The following PLEKHA8 variants were observed in gnomAD, a reference collection of about 807,000 sequenced individuals.
The protein encoded by PLEKHA8 is pleckstrin homology domain-containing family A member 8.
PLEKHA8 carries 36 observed loss-of-function variants against 68.2 expected under a neutral mutation model. That is an observed-to-expected ratio of 0.53 (90% CI 0.40 to 0.70). The LOEUF (loss-of-function observed/expected upper bound fraction) is 0.70. Ranked by LOEUF, PLEKHA8 falls within the 30% of genes least tolerant of loss-of-function variation. PLEKHA8 has a pLI of 0.00. For missense variants in PLEKHA8, 505 were observed against 615.4 expected, an observed-to-expected ratio of 0.82 and a Z score of 1.90; for synonymous variants, 211 against 216.1, an observed-to-expected ratio of 0.98 and a Z score of 0.20.
chr7:30,061,595 T>C (rs1285815268), intron 10 of PLEKHA8, among the ~76,000 whole-genome samples: 1 of 152,182 alleles, frequency 6.6e-6, no homozygotes, highest in Non-Finnish European at 1.5e-5. Flanking sequence ...GAACAAATGA[T>C]TGTTGAGTTT....
rs1410238850 is a variant in PLEKHA8, at chr7:30,084,513, T to G, written c.*5726T>G. 1 of 985,302 alleles carries G rather than the reference T, an allele frequency of 1.0e-6. No individual in the cohort carries two copies. The highest frequency in any genetic ancestry group is 1.2e-6 in the Non-Finnish European group (1 of 829,916). 61.0% of individuals were successfully genotyped at this position (985,302 alleles called of 1,614,324 possible). ...GACAGTTTCATGTTTAGATTTGTAT[T>G]GTTTCTCTGTCCAAGTCCTTATTCT... On this transcript the variant is annotated 3_prime_UTR_variant, in exon 14 of 14. Transcript: ENST00000449726.
At chr7:30,056,592 G>A (rs1792952596) in intron 9 of PLEKHA8, among the ~76,000 whole-genome samples, 1 of 147,580 alleles carries the variant, frequency 6.8e-6, no homozygotes, top group African/African-American at 2.5e-5. Flanking sequence ...AGCTGAGTGT[G>A]GTGGCGCGCA....
At chr7:30,040,473 C>A (rs1417291580) in intron 1 of PLEKHA8, among the ~76,000 whole-genome samples, 15 of 152,182 alleles carry the variant, frequency 9.9e-5, no homozygotes, top group Non-Finnish European at 1.9e-4. Context: ...CAGCAAAAGT[C>A]CCAGAATTGT....
chr7:30,116,264 A>G (rs532298303), intron 13 of PLEKHA8, among the ~76,000 whole-genome samples: 1 of 151,546 alleles, frequency 6.6e-6, no homozygotes, highest in Non-Finnish European at 1.5e-5. Flanking sequence ...GTATACATGC[A>G]TACATGTATG....
intron 13 of PLEKHA8, chr7:30,129,215 A>G (rs2128026902): frequency 6.2e-7 from 1 of 1,612,630 alleles, no homozygotes; most frequent in Middle Eastern, 1.7e-4. Context: ...TAAAAGAGTA[A>G]TGACAGTTGG....
chr7:30,055,802 C>T (rs1381988135), intron 9 of PLEKHA8, among the ~76,000 whole-genome samples: 2 of 151,960 alleles, frequency 1.3e-5, no homozygotes, highest in East Asian at 1.9e-4. Flanking sequence ...GGTAGCTGGA[C>T]TATATGCGCA....
chr7:30,126,183 G>T (rs1467847499), intron 13 of PLEKHA8, among the ~76,000 whole-genome samples: 6 of 152,148 alleles, frequency 3.9e-5, no homozygotes, highest in Non-Finnish European at 8.8e-5. Flanking sequence ...TTGTGTGAAG[G>T]CCCTGCTATA....
At chr7:30,035,574 A>G (rs1340736813) in intron 1 of PLEKHA8, among the ~76,000 whole-genome samples, 1 of 152,002 alleles carries the variant, frequency 6.6e-6, no homozygotes, top group Non-Finnish European at 1.5e-5. Context: ...TCTTTAACCT[A>G]TTTTTAAAAG....
At chr7:30,050,404 T>C in intron 5 of PLEKHA8, 30 bp from the exon 6 acceptor site, 2 of 1,557,120 alleles carry the variant, frequency 1.3e-6, no homozygotes, top group Non-Finnish European at 1.7e-6. Flanking sequence ...GTTTAACATG[T>C]GAACTTTCCT....
intron 1 of PLEKHA8, among the ~76,000 whole-genome samples, chr7:30,033,277 C>G (rs1790800185): frequency 6.6e-6 from 1 of 152,058 alleles, no homozygotes; most frequent in Non-Finnish European, 1.5e-5. Context: ...AGAAAGAAAC[C>G]CAGTACCCAT....
chr7:30,048,279 G>A (rs1446283670), intron 4 of PLEKHA8, among the ~76,000 whole-genome samples: 1 of 152,056 alleles, frequency 6.6e-6, no homozygotes, highest in Non-Finnish European at 1.5e-5. Context: ...TTTAACTTTA[G>A]TACTGTCATA....
At position 30,084,377 on chromosome 7, in the gene PLEKHA8, T is replaced by G; in HGVS notation, c.*5590T>G. ...TTTTGAATGAGCATCATAATCAGAG[T>G]AGAAGGCAAGTTAAACTATAAAAGT... On this transcript the variant is annotated 3_prime_UTR_variant, in exon 14 of 14. Transcript: ENST00000449726. The G allele has an allele frequency of 1.0e-6, 1 of 985,378 alleles. No homozygotes were observed. The highest frequency in any genetic ancestry group is 1.7e-5 in the African/African-American group (1 of 57,356). The allele number at this position is 985,378 out of a possible 1,614,324, so 61.0% of individuals were successfully genotyped here. A position where few individuals can be genotyped will look rare whatever the true frequency, so the allele number is the denominator to read the frequency against.
chr7:30,048,627 G>T (rs1792154198), intron 4 of PLEKHA8, among the ~76,000 whole-genome samples: 1 of 152,222 alleles, frequency 6.6e-6, no homozygotes, highest in Non-Finnish European at 1.5e-5. Context: ...CAGAGTCTCT[G>T]CTCTGCTTTC....
At chr7:30,085,655 A>G (rs1424928918), downstream of PLEKHA8, among the ~76,000 whole-genome samples, 1 of 152,144 alleles carries the variant, frequency 6.6e-6, no homozygotes. Context: ...TCTTCCCACT[A>G]TTGCCCACTT....
intron 13 of PLEKHA8, among the ~76,000 whole-genome samples, chr7:30,107,740 G>A (rs973034243): frequency 5.3e-5 from 8 of 152,054 alleles, no homozygotes; most frequent in Non-Finnish European, 7.4e-5. Context: ...TAGTTTACTA[G>A]TGATATTAAT....
At position 30,083,205 on chromosome 7, in the gene PLEKHA8, G is replaced by C. The variant is rs538647229; in HGVS notation, c.*4418G>C. 1.8e-4 allele frequency: 181 copies of C among 983,690 alleles called. 1 individual carries two copies. In the South Asian group the frequency reaches 7.3e-3, roughly 40 times the overall value. 60.9% of individuals were successfully genotyped at this position (983,690 alleles called of 1,614,324 possible). On this transcript the variant is annotated 3_prime_UTR_variant, in exon 14 of 14. Transcript: ENST00000449726. ...AAGGGCTCTACACAAACTTCATTAT[G>C]TATGGTAAATTTGTATTCTTATGGA...
intron 13 of PLEKHA8, 48 bp from the exon 14 acceptor site, chr7:30,078,540 AGT>A (rs775139097): frequency 5.7e-6 from 9 of 1,585,876 alleles, no homozygotes; most frequent in Non-Finnish European, 7.8e-6. Context: ...TAAAAATAAG[AGT>A]GTGAGAGACA....
rs781065958 is a variant in PLEKHA8, at chr7:30,044,609, G to C, written c.41-476G>C. On this transcript the variant is annotated intron_variant, in intron 1 of 13. Transcript: ENST00000449726. ...GTTGGCACTCTCTATGACATTTGTT[G>C]AAAGGACCTTGTCATCTTTGTTGCC... Among the ~76,000 whole-genome samples the C allele has an allele frequency of 2.6e-4, 40 of 152,190 alleles. 1 individual carries two copies. The highest frequency in any genetic ancestry group is 2.2e-3 in the Admixed American group (33 of 15,278).
intron 12 of PLEKHA8, among the ~76,000 whole-genome samples, chr7:30,069,119 A>C (rs757455582): frequency 2.0e-5 from 3 of 152,178 alleles, no homozygotes; most frequent in Non-Finnish European, 4.4e-5. Flanking sequence ...TTACTATTCT[A>C]AGTGAGTTAC....
Sources: allele counts gnomAD v4.1 joint callset (sites outside exome capture counted in the v4.1 genomes callset), GRCh38; gene constraint gnomAD v4.1.1; transcripts MANE v1.5; gene names NCBI Gene and HGNC (gene_info 2026-07-23, HGNC 2026-07-21).